Variants in SLC25A32 observed in about 807,000 individuals in gnomAD.
SLC25A32 encodes the protein Glycine auxotroph B, complementation of hamster.
A neutral mutation model predicts 39.0 loss-of-function variants in SLC25A32; 32 were observed. The observed-to-expected ratio is 0.82, with a 90% CI of 0.62 to 1.10. The LOEUF (loss-of-function observed/expected upper bound fraction) is 1.10. SLC25A32 is among the 50% of genes least tolerant of loss of function. SLC25A32 has a pLI of 0.00. For missense variants in SLC25A32, 367 were observed against 395.3 expected (o/e 0.93, Z 0.61); for synonymous variants, 166 against 152.4 (o/e 1.09, Z -0.66).
chr8:103,413,907 G>A (rs1816524855), intron 1 of SLC25A32, among the ~76,000 whole-genome samples: 1 of 152,172 alleles, frequency 6.6e-6, no homozygotes, highest in Non-Finnish European at 1.5e-5. Flanking sequence ...TTGATTTTAT[G>A]TTGTCTAGAA....
chr8:103,399,531 C>T lies in SLC25A32; in HGVS notation c.*880G>A, dbSNP rs560428475. 5.9e-5 allele frequency: 9 copies of T among 152,276 alleles called. No individual in the cohort carries two copies. Among genetic ancestry groups the T allele is most frequent in the African/African-American group, 1.9e-4 (8 of 41,556 alleles). 9.4% of individuals were successfully genotyped at this position (152,276 alleles called of 1,614,324 possible). A position where few individuals can be genotyped will look rare whatever the true frequency, so the allele number is the denominator to read the frequency against. ...GAGAAGTATATAGTTTCTCAATTTT[C>T]GCTAGGTAGTGCATCCCAACTGAAT... On this transcript the variant is annotated 3_prime_UTR_variant, in exon 7 of 7. Transcript: ENST00000297578.
At chr8:103,403,908 T>C (rs1478330238) in intron 3 of SLC25A32, among the ~76,000 whole-genome samples, 1 of 152,242 alleles carries the variant, frequency 6.6e-6, no homozygotes, top group Non-Finnish European at 1.5e-5. Flanking sequence ...ATTCATCTGG[T>C]TAAGTTTCTC....
chr8:103,403,277 G>A lies in SLC25A32; in HGVS notation c.439C>T (p.Arg147Cys), dbSNP rs777454670. 5 of 1,612,474 alleles carry A rather than the reference G, an allele frequency of 3.1e-6. No homozygotes were observed. The highest frequency in any genetic ancestry group is 1.3e-5 in the African/African-American group (1 of 74,896). Reference sequence around the variant, plus strand: ...ACAGCATCATACTGTAACATAAGGCGAGTTTTTGTTACCCATAATGGGTTT... The same window carrying A: ...ACAGCATCATACTGTAACATAAGGCAAGTTTTTGTTACCCATAATGGGTTT... ...ITNPLWVTKT[R>C]LMLQYDAVVN... Residue 147 changes from arginine (R) to cysteine (C), a missense_variant, in exon 4 of 7, where the codon CGC becomes TGC. Physicochemically the swap from Arg to Cys is radical, Grantham distance 180. Transcript: ENST00000297578.
intron 4 of SLC25A32, 21 bp downstream of exon 4, chr8:103,403,143 A>C (rs780017402): frequency 3.0e-5 from 45 of 1,515,798 alleles, no homozygotes; most frequent in Non-Finnish European, 3.9e-5. Context: ...AGTTATTTAA[A>C]ATATATTGAT....
chr8:103,407,423 C>T (rs1816356224), intron 2 of SLC25A32, among the ~76,000 whole-genome samples: 1 of 152,058 alleles, frequency 6.6e-6, no homozygotes, highest in Admixed American at 6.6e-5. Flanking sequence ...AAGCCATTAG[C>T]TATTAATAGG....
At chr8:103,400,957 G>A (rs765941224) in intron 6 of SLC25A32, among the ~76,000 whole-genome samples, 2 of 152,038 alleles carry the variant, frequency 1.3e-5, no homozygotes, top group African/African-American at 2.4e-5. Flanking sequence ...TATGGAATAC[G>A]GCCTAGAAAT....
Position 103,414,941 on chromosome 8 carries a change from C to T in SLC25A32, c.-4G>A, listed in dbSNP as rs756176285. ...CCGACTGGCCCTGGCCCGTCATAGG[C>T]TCGGGGCCCGTCGACACCACGGCGC... On this transcript the variant is annotated 5_prime_UTR_variant, in exon 1 of 7. Transcript: ENST00000297578. 3.1e-6 allele frequency: 5 copies of T among 1,598,960 alleles called. No individual in the cohort carries two copies. The highest frequency in any genetic ancestry group is 4.6e-5 in the East Asian group (2 of 43,786).
At position 103,400,238 on chromosome 8, in the gene SLC25A32, G is replaced by T; in HGVS notation, c.*173C>A. 1 of 555,014 alleles carries T rather than the reference G, an allele frequency of 1.8e-6. No homozygotes were observed. The allele number at this position is 555,014 out of a possible 1,614,324, so 34.4% of individuals were successfully genotyped here. ...GCCAAGTTCCATATATATGGGGAAG[G>T]CAAAAAGCAAGAAAAACATTGCAGG... On this transcript the variant is annotated 3_prime_UTR_variant, in exon 7 of 7. Coordinates refer to ENST00000297578, the MANE Select transcript of SLC25A32 (RefSeq NM_030780.5).
intron 4 of SLC25A32, 105 bp downstream of exon 4, chr8:103,403,059 G>T: frequency 2.9e-6 from 2 of 682,572 alleles, no homozygotes; most frequent in Non-Finnish European, 4.6e-6. Context: ...TTGCCTAAGT[G>T]TGGCTTCTTT....
At chr8:103,404,232 C>A (rs557096624) in intron 3 of SLC25A32, among the ~76,000 whole-genome samples, 1 of 152,158 alleles carries the variant, frequency 6.6e-6, no homozygotes, top group African/African-American at 2.4e-5. Flanking sequence ...CTTTTCTAAA[C>A]TTTACCACTT....
chr8:103,400,405 T>C lies in SLC25A32; in HGVS notation c.*6A>G. The C allele has an allele frequency of 6.2e-7, 1 of 1,614,114 alleles. No homozygotes were observed. The highest frequency in any genetic ancestry group is 8.5e-7 in the Non-Finnish European group (1 of 1,179,996). On this transcript the variant is annotated 3_prime_UTR_variant, in exon 7 of 7. Transcript: ENST00000297578. ...GGCAGATATACTGGAATTGTCCTCT[T>C]TGAGCTTACTTTCTCTTTTCTCTAA...
rs1007764225 is a variant in SLC25A32 at position 103,399,419 on chromosome 8, C to G, written c.*992G>C. 2 of 151,946 alleles carry G rather than the reference C, an allele frequency of 1.3e-5. No individual in the cohort carries two copies. The highest frequency in any genetic ancestry group is 4.8e-5 in the African/African-American group (2 of 41,350). 9.4% of individuals were successfully genotyped at this position (151,946 alleles called of 1,614,324 possible). On this transcript the variant is annotated 3_prime_UTR_variant, in exon 7 of 7. Transcript: ENST00000297578. ...AAGTATTTATGCCAAAAAACAAGAACTGGATCTAGGATTTTATTTTAAATT... is the reference window on the plus strand; with the variant it reads ...AAGTATTTATGCCAAAAAACAAGAAGTGGATCTAGGATTTTATTTTAAATT...
rs114521501 is a variant in SLC25A32, at chr8:103,412,754, T to C, written c.154+2030A>G. 3.1e-3 allele frequency among the ~76,000 whole-genome samples: 474 copies of C among 152,294 alleles called. 6 individuals are homozygous for C. Among genetic ancestry groups the C allele is most frequent in the African/African-American group, 0.011 (459 of 41,570 alleles). On this transcript the variant is annotated intron_variant, in intron 1 of 6. Transcript: ENST00000297578. ...GTAATTTCTAATCTTTCTACCACTC[T>C]GGACACCTCTGAGTTCCAATTTATA...
intron 2 of SLC25A32, 56 bp downstream of exon 2, chr8:103,407,578 C>A (rs576198072): frequency 2.2e-6 from 3 of 1,371,304 alleles, no homozygotes; most frequent in South Asian, 1.7e-5. Flanking sequence ...TAAAAATCAC[C>A]GAAAACAAAA....
chr8:103,398,982 T>C lies in SLC25A32; in HGVS notation c.*1429A>G, dbSNP rs1323576828. On this transcript the variant is annotated 3_prime_UTR_variant, in exon 7 of 7. Transcript: ENST00000297578. ...AAAGATGGCTTTGAAAACAACACTT[T>C]TATTTACAACAAATAGATGGTAGTG... 6.6e-6 allele frequency: 1 copy of C among 152,236 alleles called. No individual in the cohort carries two copies. The highest frequency in any genetic ancestry group is 1.5e-5 in the Non-Finnish European group (1 of 68,034). The allele number at this position is 152,236 out of a possible 1,614,324, so 9.4% of individuals were successfully genotyped here.
chr8:103,402,123 C>T (rs1402022921), intron 4 of SLC25A32, 69 bp from the exon 5 acceptor site: 4 of 998,504 alleles, frequency 4.0e-6, no homozygotes, highest in Non-Finnish European at 5.8e-6. Flanking sequence ...AAGTAAAATA[C>T]TTTCTCTTCT....
At chr8:103,402,323 G>C (rs1287192471) in intron 4 of SLC25A32, 1 of 231,690 alleles carries the variant, frequency 4.3e-6, no homozygotes, top group African/African-American at 2.3e-5. Context: ...ACACTGTCAA[G>C]ACTTGAGGTG....
At position 103,400,462 on chromosome 8, in the gene SLC25A32, T is replaced by C. The variant is rs751132101; in HGVS notation, c.897A>G (p.Val299=). The part of the protein sequence containing the change: ...VTPACCITFV[V]YENVSHFLLD... Reference sequence around the variant, plus strand: ...GTAAAAAATGTGAGACGTTTTCATATACCACAAAGGTAATACAGCAGGCTG... The same window carrying C: ...GTAAAAAATGTGAGACGTTTTCATACACCACAAAGGTAATACAGCAGGCTG... The change falls in exon 7 of 7, where the codon GTA becomes GTG. Residue 299 remains valine (V), a synonymous_variant. Coordinates refer to ENST00000297578, the MANE Select transcript of SLC25A32 (RefSeq NM_030780.5). 1.9e-6 allele frequency: 3 copies of C among 1,614,150 alleles called. No homozygotes were observed. The highest frequency in any genetic ancestry group is 2.5e-6 in the Non-Finnish European group (3 of 1,179,958).
chr8:103,402,040 C>T lies in SLC25A32; in HGVS notation c.567G>A (p.Gly189=). The T allele has an allele frequency of 6.2e-7, 1 of 1,608,712 alleles. No homozygotes were observed. Among genetic ancestry groups the T allele is most frequent in the Admixed American group, 1.7e-5 (1 of 59,252 alleles). The change falls in exon 5 of 7, where the codon GGG becomes GGA. Residue 189 remains glycine, a synonymous_variant. Coordinates refer to ENST00000297578, the MANE Select transcript of SLC25A32 (RefSeq NM_030780.5). ...GGGCACCATGCGATGTTCCAAACAG[C>T]CCAGGAACAAATCCCTACAAGGGAA... is the stretch of plus-strand genomic sequence containing the variant. ...VRGLYKGFVP[G]LFGTSHGALQ... is the part of the protein sequence containing the mutation.
Sources: allele counts gnomAD v4.1 joint callset (sites outside exome capture counted in the v4.1 genomes callset), GRCh38; gene constraint gnomAD v4.1.1; transcripts MANE v1.5; gene names NCBI Gene and HGNC (gene_info 2026-07-23, HGNC 2026-07-21).